OSBPL9: variants seen among roughly 807,000 people sequenced by gnomAD.
The protein encoded by OSBPL9 is oxysterol-binding protein-related protein 9.
In OSBPL9, 40 loss-of-function variants were observed where a neutral mutation model predicts 106.6. The ratio of observed to expected loss-of-function variants is 0.38; its 90% confidence interval spans 0.29 to 0.49. The LOEUF (loss-of-function observed/expected upper bound fraction) is 0.49, where lower values mean the gene tolerates loss of function less well. OSBPL9 is among the 20% of genes least tolerant of loss of function. OSBPL9 has a pLI of 0.97. For synonymous variants in OSBPL9, 269 were observed against 295.4 expected (o/e 0.91, Z 0.92); for missense variants, 609 against 887.2 (o/e 0.69, Z 3.98).
chr1:51,745,942 T>C (rs767356821), intron 5 of OSBPL9, among the ~76,000 whole-genome samples: 8 of 152,166 alleles, frequency 5.3e-5, no homozygotes, highest in Non-Finnish European at 8.8e-5. Context: ...AAACTGTGTT[T>C]TAGTGGCTCA....
At chr1:51,644,798 C>A (rs539787037) in intron 1 of OSBPL9, among the ~76,000 whole-genome samples, 1 of 152,176 alleles carries the variant, frequency 6.6e-6, no homozygotes, top group Non-Finnish European at 1.5e-5. Flanking sequence ...TCACTTTACT[C>A]GGTCCTCTAA....
intron 3 of OSBPL9, among the ~76,000 whole-genome samples, chr1:51,675,153 C>T (rs937538203): frequency 2.0e-5 from 3 of 152,160 alleles, no homozygotes; most frequent in Non-Finnish European, 4.4e-5. Flanking sequence ...TCTCACGACA[C>T]ATCTCTCAGA....
chr1:51,696,400 A>AAAC (rs774789421), intron 3 of OSBPL9, among the ~76,000 whole-genome samples: 77 of 152,122 alleles, frequency 5.1e-4, no homozygotes, highest in African/African-American at 1.4e-3. Flanking sequence ...AGTCCTCTAA[A>AAAC]AACAACAACA....
intron 8 of OSBPL9, among the ~76,000 whole-genome samples, chr1:51,752,334 T>G (rs1669428351): frequency 6.6e-6 from 1 of 151,912 alleles, no homozygotes; most frequent in African/African-American, 2.4e-5. Flanking sequence ...TCTCTCACTT[T>G]ATTCATATTT....
chr1:51,780,050 C>T (rs1675977216), intron 15 of OSBPL9, among the ~76,000 whole-genome samples: 1 of 150,838 alleles, frequency 6.6e-6, no homozygotes, highest in Non-Finnish European at 1.5e-5. Context: ...TGCACTCCAG[C>T]CTGGACAACA....
the OSBPL9 span, chr1:51,567,297 A>C: frequency 6.6e-6 from 1 of 152,308 alleles, no homozygotes; most frequent in Admixed American, 6.5e-5. Context: ...AGTTCTGTGA[A>C]GTCAAAGGCC....
At chr1:51,556,106 T>C in the OSBPL9 span, among the ~76,000 whole-genome samples, 1 of 152,032 alleles carries the variant, frequency 6.6e-6, no homozygotes, top group African/African-American at 2.4e-5. Flanking sequence ...CCTGTAAGCC[T>C]AGTCCCTATA....
chr1:51,769,635 A>G (rs970865408), intron 12 of OSBPL9, among the ~76,000 whole-genome samples: 1 of 152,192 alleles, frequency 6.6e-6, no homozygotes, highest in African/African-American at 2.4e-5. Context: ...ATTCTAGACA[A>G]CTTAGCCCAT....
At chr1:51,641,270 A>G (rs1053652116) in intron 1 of OSBPL9, among the ~76,000 whole-genome samples, 17 of 152,236 alleles carry the variant, frequency 1.1e-4, no homozygotes, top group Admixed American at 7.2e-4. Flanking sequence ...CCTTGCTCTG[A>G]CTGGGGCCTC....
At chr1:51,751,629 A>G (rs960880772) in intron 8 of OSBPL9, among the ~76,000 whole-genome samples, 3 of 152,176 alleles carry the variant, frequency 2.0e-5, no homozygotes, top group African/African-American at 7.2e-5. Context: ...TAACCAGTAA[A>G]CCACACCATG....
At chr1:51,602,469 C>A (rs1645329693) in intron 2 of OSBPL9, among the ~76,000 whole-genome samples, 1 of 133,996 alleles carries the variant, frequency 7.5e-6, no homozygotes, top group Admixed American at 8.2e-5. Context: ...GTTGCCCAGG[C>A]TGGAGTGCTG....
At chr1:51,524,196 G>A in the OSBPL9 span, among the ~76,000 whole-genome samples, 1,256 of 152,346 alleles carry the variant, frequency 8.2e-3, 42 homozygotes, top group East Asian at 0.097. Flanking sequence ...CCATCCCTGT[G>A]CCAGGGATTG....
chr1:51,543,439 G>A, the OSBPL9 span, among the ~76,000 whole-genome samples: 2 of 151,844 alleles, frequency 1.3e-5, no homozygotes, highest in African/African-American at 4.8e-5. Context: ...TCTGGCCCCC[G>A]GACTGGAGTG....
At chr1:51,573,738 C>T (rs751246103), upstream of OSBPL9, among the ~76,000 whole-genome samples, 43 of 146,820 alleles carry the variant, frequency 2.9e-4, no homozygotes, top group Admixed American at 4.8e-4. Flanking sequence ...CGCTTGAACC[C>T]GGGAGGCGGA....
At chr1:51,669,398 G>C (rs1426851099) in intron 2 of OSBPL9, 36 bp from the exon 3 acceptor site, 1 of 1,581,758 alleles carries the variant, frequency 6.3e-7, no homozygotes, top group East Asian at 2.2e-5. Flanking sequence ...TGATGTCATT[G>C]TTTGCCTTAT....
At chr1:51,781,081 A>T in intron 15 of OSBPL9, 83 bp from the exon 16 acceptor site, 1 of 1,356,788 alleles carries the variant, frequency 7.4e-7, no homozygotes, top group Non-Finnish European at 1.0e-6. Context: ...AGCCTGACTT[A>T]GGTGGACCAT....
intron 12 of OSBPL9, among the ~76,000 whole-genome samples, chr1:51,768,805 G>A (rs1019936245): frequency 6.6e-6 from 1 of 152,170 alleles, no homozygotes. Context: ...TGCTGTTAAG[G>A]TTCCTTCTAT....
chr1:51,701,997 A>G (rs1335209132), intron 3 of OSBPL9, among the ~76,000 whole-genome samples: 1 of 152,198 alleles, frequency 6.6e-6, no homozygotes, highest in East Asian at 1.9e-4. Context: ...TTATGGCTGC[A>G]TAGTATTCCA....
At chr1:51,669,338 T>C in intron 2 of OSBPL9, 96 bp from the exon 3 acceptor site, 2 of 963,518 alleles carry the variant, frequency 2.1e-6, no homozygotes, top group Non-Finnish European at 3.2e-6. Context: ...CTGCTTCCAG[T>C]GTCGTTGGTG....
Sources: gnomAD v4.1 joint callset for allele counts (sites outside exome capture counted in the v4.1 genomes callset) on GRCh38, gnomAD v4.1.1 for gene constraint, MANE v1.5 for transcripts, NCBI Gene and HGNC (gene_info 2026-07-23, HGNC 2026-07-21) for gene names.